The following SAMMSON variants were observed in gnomAD, a reference collection of about 807,000 sequenced individuals.
SAMMSON encodes long intergenic non-protein coding RNA 1212.
chr3:70,079,750 C>T (rs558156749), intron 4 of SAMMSON, among the ~76,000 whole-genome samples: 6 of 152,240 alleles, frequency 3.9e-5, no homozygotes, highest in South Asian at 4.1e-4. Context: ...TTTATCAAGA[C>T]GTAACCCCAC....
At chr3:70,097,688 T>G (rs1221634173) in intron 4 of SAMMSON, among the ~76,000 whole-genome samples, 4 of 152,184 alleles carry the variant, frequency 2.6e-5, no homozygotes, top group Non-Finnish European at 5.9e-5. Flanking sequence ...TATTTTTGAC[T>G]TTCTCCTATG....
chr3:70,102,720 T>G (rs2067350680), intron 4 of SAMMSON, among the ~76,000 whole-genome samples: 2 of 152,176 alleles, frequency 1.3e-5, no homozygotes, highest in Non-Finnish European at 2.9e-5. Flanking sequence ...GTTCAAAGGA[T>G]TGCATCTTGA....
intron 4 of SAMMSON, among the ~76,000 whole-genome samples, chr3:70,200,474 T>C (rs1387782003): frequency 3.3e-5 from 5 of 152,182 alleles, no homozygotes; most frequent in African/African-American, 1.2e-4. Flanking sequence ...CCTTTGCACA[T>C]GCTGTGTTTT....
intron 4 of SAMMSON, among the ~76,000 whole-genome samples, chr3:70,147,538 G>A (rs2067554231): frequency 6.6e-6 from 1 of 152,100 alleles, no homozygotes; most frequent in Admixed American, 6.6e-5. Flanking sequence ...TTAAAAAGAT[G>A]AAGCAATTCT....
intron 4 of SAMMSON, among the ~76,000 whole-genome samples, chr3:70,160,353 T>TCCTCCCTC (rs572911460): frequency 6.6e-6 from 1 of 151,400 alleles, no homozygotes; most frequent in Non-Finnish European, 1.5e-5. Context: ...TTCCTTCCCT[T>TCCTCCCTC]CCTCCCTCCC....
At chr3:70,041,129 TG>T (rs1307376872) in intron 3 of SAMMSON, among the ~76,000 whole-genome samples, 2 of 152,124 alleles carry the variant, frequency 1.3e-5, no homozygotes, top group Non-Finnish European at 2.9e-5. Flanking sequence ...AACTAGGCTT[TG>T]GGGGCTGCTG....
chr3:70,139,137 A>G (rs2067517568), intron 4 of SAMMSON, among the ~76,000 whole-genome samples: 4 of 152,196 alleles, frequency 2.6e-5, no homozygotes, highest in Admixed American at 2.6e-4. Context: ...TGGATATTAG[A>G]GACTTAGTAT....
chr3:70,168,833 A>C (rs77779434), intron 4 of SAMMSON, among the ~76,000 whole-genome samples: 5,565 of 152,032 alleles, frequency 0.037, 163 homozygotes, highest in Non-Finnish European at 0.057. Context: ...GTTATTGGTT[A>C]CTTTTTGCTA....
At chr3:70,420,148 A>G (rs1701299807) in intron 2 of SAMMSON, among the ~76,000 whole-genome samples, 1 of 152,176 alleles carries the variant, frequency 6.6e-6, no homozygotes, top group Non-Finnish European at 1.5e-5. Context: ...GAATTTACTT[A>G]TAATAAACTG....
chr3:70,376,728 G>C (rs1176982690), intron 9 of SAMMSON, among the ~76,000 whole-genome samples: 1 of 151,930 alleles, frequency 6.6e-6, no homozygotes, highest in Non-Finnish European at 1.5e-5. Flanking sequence ...AGATTTGAAA[G>C]GTATAGAAAA....
At chr3:70,330,227 C>T (rs186923959) in intron 7 of SAMMSON, among the ~76,000 whole-genome samples, 22 of 151,884 alleles carry the variant, frequency 1.4e-4, no homozygotes, top group East Asian at 1.4e-3. Flanking sequence ...TATCTACAAA[C>T]GTTTTTCTCA....
chr3:70,397,290 T>C (rs140018454), intron 2 of SAMMSON, among the ~76,000 whole-genome samples: 250 of 152,214 alleles, frequency 1.6e-3, no homozygotes, highest in African/African-American at 4.5e-3. Flanking sequence ...AGATTCTTCA[T>C]AGGTTCCTCA....
intron 4 of SAMMSON, among the ~76,000 whole-genome samples, chr3:70,093,874 G>A (rs2067313908): frequency 6.6e-6 from 1 of 152,124 alleles, no homozygotes; most frequent in African/African-American, 2.4e-5. Context: ...AAAGCTTTTT[G>A]ATTCTTAAAT....
intron 4 of SAMMSON, among the ~76,000 whole-genome samples, chr3:70,140,793 A>G (rs2067524650): frequency 6.6e-6 from 1 of 152,180 alleles, no homozygotes. Context: ...TATAATGAGA[A>G]TTGCCTTTCT....
At chr3:70,272,119 G>T (rs1488795433) in intron 6 of SAMMSON, 1 of 152,170 alleles carries the variant, frequency 6.6e-6, no homozygotes, top group South Asian at 2.1e-4. Context: ...CATGCCCAGA[G>T]TTGCTCAGCA....
chr3:70,300,652 A>G (rs1342434635), intron 7 of SAMMSON, among the ~76,000 whole-genome samples: 1 of 152,080 alleles, frequency 6.6e-6, no homozygotes, highest in Non-Finnish European at 1.5e-5. Flanking sequence ...TCCCAGTTGT[A>G]TCTAGGGGAA....
At chr3:70,310,388 CAG>C (rs1702443307) in intron 7 of SAMMSON, among the ~76,000 whole-genome samples, 4 of 151,766 alleles carry the variant, frequency 2.6e-5, no homozygotes, top group East Asian at 3.9e-4. Flanking sequence ...TTTTTTGAGA[CAG>C]AGTTTTGCTC....
chr3:70,289,358 T>A (rs1171366721), intron 6 of SAMMSON, among the ~76,000 whole-genome samples: 1 of 151,108 alleles, frequency 6.6e-6, no homozygotes, highest in African/African-American at 2.4e-5. Context: ...GGTTGAAAAT[T>A]CTTTTCTTTA....
chr3:70,302,728 A>G (rs1431646367), intron 7 of SAMMSON: 2 of 152,182 alleles, frequency 1.3e-5, no homozygotes, highest in Non-Finnish European at 2.9e-5. Context: ...CTGCCTTATC[A>G]TCATTGAACG....
Sources: allele counts gnomAD v4.1 joint callset (sites outside exome capture counted in the v4.1 genomes callset), GRCh38; gene constraint gnomAD v4.1.1; transcripts MANE v1.5; gene names NCBI Gene and HGNC (gene_info 2026-07-23, HGNC 2026-07-21).